CFHR4: variants seen among roughly 807,000 people sequenced by gnomAD.
The protein encoded by CFHR4 is complement factor H-related protein 4.
CFHR4 carries 64 observed loss-of-function variants against 69.3 expected under a neutral mutation model. The observed-to-expected ratio is 0.92, with a 90% CI of 0.76 to 1.14. The LOEUF (loss-of-function observed/expected upper bound fraction) is 1.14. Ranked by LOEUF, CFHR4 falls within the 50% of genes most tolerant of loss-of-function variation. The pLI is 0.00. For missense variants in CFHR4, 636 were observed against 684.9 expected (o/e 0.93, Z 0.80); for synonymous variants, 244 against 237.0 (o/e 1.03, Z -0.27).
At chr1:196,892,721 CAT>C (rs1657099975) in intron 1 of CFHR4, among the ~76,000 whole-genome samples, 1 of 151,414 alleles carries the variant, frequency 6.6e-6, no homozygotes, top group South Asian at 2.1e-4. Flanking sequence ...AAATCAGCAA[CAT>C]ATTTTTAATT....
At position 196,913,319 on chromosome 1, in the gene CFHR4, G is replaced by T. The variant is rs559906360; in HGVS notation, c.1180+397G>T. 2.4e-4 allele frequency among the ~76,000 whole-genome samples: 36 copies of T among 151,600 alleles called. No homozygotes were observed. In the East Asian group the frequency reaches 6.8e-3, roughly 29 times the overall value. On this transcript the variant is annotated intron_variant, in intron 7 of 9. Transcript: ENST00000608469. ...CACTCAGAAAAGTTGTACATGTCGG[G>T]GGAGAAATGAGTGCTTAATTCTGAA...
intron 1 of CFHR4, among the ~76,000 whole-genome samples, chr1:196,901,499 G>A (rs556122313): frequency 2.7e-4 from 41 of 151,366 alleles, no homozygotes; most frequent in Middle Eastern, 3.4e-3. Context: ...AATATTGTGC[G>A]TGTGTGTGTG....
chr1:196,905,439 A>T, intron 3 of CFHR4, 149 bp downstream of exon 3: 1 of 1,216,410 alleles, frequency 8.2e-7, no homozygotes, highest in Non-Finnish European at 1.1e-6. Context: ...GTGCCAAACT[A>T]AGTCTTTTTT....
At chr1:196,895,023 G>C (rs967718961) in intron 1 of CFHR4, among the ~76,000 whole-genome samples, 3 of 151,396 alleles carry the variant, frequency 2.0e-5, no homozygotes, top group African/African-American at 7.3e-5. Context: ...TCACATCATT[G>C]CATTCTGGCC....
rs147282541 is a variant in CFHR4, at chr1:196,917,610, A to G, written c.1541-600A>G. Among the ~76,000 whole-genome samples the G allele has an allele frequency of 4.5e-3, 682 of 151,468 alleles. 23 individuals carry two copies. The highest frequency in any genetic ancestry group is 0.015 in the African/African-American group (632 of 41,002). ...CTTTAAAATAGAAAATGAAGATGACAGGGATAGATGATGGTGATAGAGAGA... is the reference window on the plus strand; with the variant it reads ...CTTTAAAATAGAAAATGAAGATGACGGGGATAGATGATGGTGATAGAGAGA... On this transcript the variant is annotated intron_variant, in intron 9 of 9. Coordinates refer to ENST00000608469, the MANE Select transcript of CFHR4 (RefSeq NM_001201550.3).
At chr1:196,892,002 T>G (rs563333443) in intron 1 of CFHR4, among the ~76,000 whole-genome samples, 1 of 151,726 alleles carries the variant, frequency 6.6e-6, no homozygotes, top group African/African-American at 2.4e-5. Flanking sequence ...TCAGATTTTT[T>G]CTTATGTTAT....
At chr1:196,910,220 C>A in intron 5 of CFHR4, 61 bp from the exon 6 acceptor site, 1 of 927,038 alleles carries the variant, frequency 1.1e-6, no homozygotes, top group Non-Finnish European at 1.6e-6. Flanking sequence ...ACAGTCATCT[C>A]TTATATCATT....
chr1:196,913,883 G>A (rs1658423012), intron 7 of CFHR4, among the ~76,000 whole-genome samples: 1 of 151,066 alleles, frequency 6.6e-6, no homozygotes, highest in Non-Finnish European at 1.5e-5. Flanking sequence ...TGAGTTTTGG[G>A]GGCTATATCA....
chr1:196,902,883 T>C (rs1657699959), intron 2 of CFHR4, among the ~76,000 whole-genome samples: 1 of 151,556 alleles, frequency 6.6e-6, no homozygotes, highest in Non-Finnish European at 1.5e-5. Context: ...TACTGACTTT[T>C]TTGTAAAAAC....
In CFHR4 at chr1:196,890,423, G is replaced by C. The variant is rs898676034; in HGVS notation, c.58+2215G>C. Among the ~76,000 whole-genome samples, 9 of 151,464 alleles carry C rather than the reference G, an allele frequency of 5.9e-5. 1 individual carries two copies. In the East Asian group the frequency reaches 1.7e-3, roughly 29 times the overall value. On this transcript the variant is annotated intron_variant, in intron 1 of 9. Coordinates refer to ENST00000608469, the MANE Select transcript of CFHR4 (RefSeq NM_001201550.3). Reference sequence around the variant, plus strand: ...GCCACGCTATTTGAAAGATAAACTTGACAGAAAATTAGTAATTGTAACCTA... The same window carrying C: ...GCCACGCTATTTGAAAGATAAACTTCACAGAAAATTAGTAATTGTAACCTA...
intron 5 of CFHR4, among the ~76,000 whole-genome samples, chr1:196,909,335 G>T (rs1658109826): frequency 6.6e-6 from 1 of 151,332 alleles, no homozygotes. Flanking sequence ...TAGGGAAAAA[G>T]GCAACCTTAT....
intron 1 of CFHR4, among the ~76,000 whole-genome samples, chr1:196,900,041 T>C (rs761034490): frequency 4.0e-5 from 6 of 151,558 alleles, no homozygotes; most frequent in Non-Finnish European, 5.9e-5. Flanking sequence ...GAATCCTACG[T>C]GCAAAGCTAA....
intron 1 of CFHR4, among the ~76,000 whole-genome samples, chr1:196,894,314 T>C (rs946605382): frequency 6.6e-6 from 1 of 151,610 alleles, no homozygotes; most frequent in South Asian, 2.1e-4. Flanking sequence ...TTAAATCATA[T>C]AGAAAAACAA....
chr1:196,905,070 A>G (rs776027483), intron 2 of CFHR4, 38 bp from the exon 3 acceptor site: 8 of 1,509,568 alleles, frequency 5.3e-6, no homozygotes, highest in Middle Eastern at 1.8e-4. Context: ...GAAGTATTCA[A>G]CAAATATTTA....
chr1:196,900,032 A>C lies in CFHR4; in HGVS notation c.59-2386A>C, dbSNP rs1657513241. On this transcript the variant is annotated intron_variant, in intron 1 of 9. Transcript: ENST00000608469. ...TAGTATAGATTCATAATTCCAGAAG[A>C]ATCCTACGTGCAAAGCTAAATCTAA... is the stretch of plus-strand genomic sequence containing the variant. 2.0e-5 allele frequency among the ~76,000 whole-genome samples: 3 copies of C among 151,678 alleles called. No individual in the cohort carries two copies. In the East Asian group the frequency reaches 5.8e-4, roughly 29 times the overall value.
At chr1:196,910,186 T>G in intron 5 of CFHR4, 95 bp from the exon 6 acceptor site, 1 of 710,916 alleles carries the variant, frequency 1.4e-6, no homozygotes, top group Non-Finnish European at 2.1e-6. Context: ...AAAAAAACAT[T>G]ATTTGGAAGG....
intron 9 of CFHR4, among the ~76,000 whole-genome samples, chr1:196,917,340 G>T (rs74680437): frequency 0.16 from 24,481 of 151,242 alleles, 510 homozygotes; most frequent in Middle Eastern, 0.26. Context: ...GGTATGGGTT[G>T]ATAGGTACAG....
intron 7 of CFHR4, among the ~76,000 whole-genome samples, chr1:196,914,216 A>C (rs1658445256): frequency 6.6e-6 from 1 of 151,498 alleles, no homozygotes; most frequent in Admixed American, 6.6e-5. Flanking sequence ...AATAACAGCC[A>C]ATGAGATTTT....
chr1:196,907,749 C>T lies in CFHR4; in HGVS notation c.799+251C>T, dbSNP rs35881325. Among the ~76,000 whole-genome samples the T allele has an allele frequency of 0.2, 30,179 of 151,142 alleles. 4,574 individuals carry two copies. Among genetic ancestry groups the T allele is most frequent in the African/African-American group, 0.4 (16,221 of 40,892 alleles). On this transcript the variant is annotated intron_variant, in intron 5 of 9. Coordinates refer to ENST00000608469, the MANE Select transcript of CFHR4 (RefSeq NM_001201550.3). ...CAATTTGTTAATGGACACAATGAGTCTTCAAGAATGATATCCATTTATTGC... is the reference window on the plus strand; with the variant it reads ...CAATTTGTTAATGGACACAATGAGTTTTCAAGAATGATATCCATTTATTGC...
Sources: allele counts gnomAD v4.1 joint callset (sites outside exome capture counted in the v4.1 genomes callset), GRCh38; gene constraint gnomAD v4.1.1; transcripts MANE v1.5; gene names NCBI Gene and HGNC (gene_info 2026-07-23, HGNC 2026-07-21).